ANKRD17: variants seen among roughly 807,000 people sequenced by gnomAD.
ANKRD17 encodes the protein ankyrin repeat domain 17, also known as ankyrin repeat domain-containing protein 17.
In ANKRD17, 19 loss-of-function variants were observed where a neutral mutation model predicts 229.7. That is an observed-to-expected ratio of 0.08 (90% CI 0.06 to 0.12). The LOEUF is 0.12. Among genes scored for constraint, ANKRD17 ranks in the 10% least tolerant of loss-of-function variants. The probability of loss-of-function intolerance (pLI) is 1.00; values close to 1 mark genes in which losing one functional copy is unlikely to be tolerated. For synonymous variants in ANKRD17, 1,112 were observed against 1,146.1 expected (o/e 0.97, Z 0.60); for missense variants, 2,176 against 3,176.8 (o/e 0.68, Z 7.57).
At chr4:73,188,427 A>G (rs1165952974) in intron 1 of ANKRD17, among the ~76,000 whole-genome samples, 1 of 151,922 alleles carries the variant, frequency 6.6e-6, no homozygotes, top group Non-Finnish European at 1.5e-5. Context: ...TCTACTAAAA[A>G]TATAAAAATT....
At chr4:73,099,830 C>T (rs903620279) in intron 25 of ANKRD17, among the ~76,000 whole-genome samples, 17 of 152,170 alleles carry the variant, frequency 1.1e-4, no homozygotes, top group Non-Finnish European at 1.5e-4. Flanking sequence ...GCCCCAGCCC[C>T]GTTGCCCTCC....
intron 25 of ANKRD17, chr4:73,101,299 A>G (rs933903325): frequency 6.3e-6 from 5 of 789,368 alleles, no homozygotes; most frequent in Non-Finnish European, 7.7e-6. Flanking sequence ...ATATTATGAA[A>G]TTACCATTTA....
intron 2 of ANKRD17, among the ~76,000 whole-genome samples, chr4:73,166,125 T>C (rs1733197451): frequency 6.6e-6 from 1 of 152,228 alleles, no homozygotes; most frequent in South Asian, 2.1e-4. Context: ...ATCCATGCTG[T>C]ACAGTGAAAT....
chr4:73,241,894 C>T (rs1744076851), intron 1 of ANKRD17, among the ~76,000 whole-genome samples: 1 of 152,056 alleles, frequency 6.6e-6, no homozygotes, highest in Admixed American at 6.5e-5. Flanking sequence ...TATGGACATA[C>T]TGAAGGGGCA....
chr4:73,077,620 G>T, intron 31 of ANKRD17, 87 bp from the exon 32 acceptor site: 2 of 1,203,794 alleles, frequency 1.7e-6, no homozygotes, highest in Non-Finnish European at 2.2e-6. Context: ...TTTCCACATT[G>T]AACCGTAAAT....
chr4:73,140,182 G>A lies in ANKRD17; in HGVS notation c.2434C>T (p.Gln812Ter). The part of the protein sequence containing the change: ...QSPESIVEEA[Q>*]GKLTELEQRI... ...TGTTCCAGTTCTGTTAACTTTCCCT[G>A]AGCCTCTTCTACAATGCTCTCTGGA... Residue 812 changes from glutamine (Q) to a stop codon, truncating the protein, a stop_gained, in exon 15 of 34, where the codon CAG (glutamine) becomes TAG (stop). Coordinates refer to ENST00000358602, the MANE Select transcript of ANKRD17 (RefSeq NM_032217.5). LOFTEE classifies it high-confidence loss of function. 1 of 1,614,032 alleles carries A rather than the reference G, an allele frequency of 6.2e-7. No homozygotes were observed. Among genetic ancestry groups the A allele is most frequent in the Non-Finnish European group, 8.5e-7 (1 of 1,180,008 alleles).
chr4:73,082,710 T>A (rs1277760620), intron 30 of ANKRD17, among the ~76,000 whole-genome samples: 2 of 152,170 alleles, frequency 1.3e-5, no homozygotes, highest in Non-Finnish European at 2.9e-5. Flanking sequence ...TGGCTTGTAG[T>A]CTTCATAAAA....
intron 1 of ANKRD17, among the ~76,000 whole-genome samples, chr4:73,233,106 C>A (rs1395389500): frequency 6.6e-6 from 1 of 152,116 alleles, no homozygotes; most frequent in African/African-American, 2.4e-5. Flanking sequence ...ACAAGACGAA[C>A]CATAAGTCTT....
At chr4:73,141,268 TAAAC>T (rs1005678951) in intron 14 of ANKRD17, among the ~76,000 whole-genome samples, 1 of 152,122 alleles carries the variant, frequency 6.6e-6, no homozygotes, top group Non-Finnish European at 1.5e-5. Context: ...TCTAGAGAAA[TAAAC>T]AAGCATATCT....
intron 18 of ANKRD17, among the ~76,000 whole-genome samples, chr4:73,123,865 C>G (rs569612057): frequency 6.6e-6 from 1 of 151,780 alleles, no homozygotes; most frequent in Non-Finnish European, 1.5e-5. Flanking sequence ...CCAGTTCACT[C>G]GTCAGAATAC....
intron 24 of ANKRD17, among the ~76,000 whole-genome samples, chr4:73,106,684 T>G (rs1476811540): frequency 6.6e-6 from 1 of 151,764 alleles, no homozygotes; most frequent in African/African-American, 2.4e-5. Context: ...ATCAAGACCA[T>G]TCTGGCCAAT....
At chr4:73,184,776 A>G (rs1736072229) in intron 1 of ANKRD17, among the ~76,000 whole-genome samples, 1 of 152,182 alleles carries the variant, frequency 6.6e-6, no homozygotes, top group Non-Finnish European at 1.5e-5. Flanking sequence ...AGAAGTACTA[A>G]ACAGATACTA....
Position 73,258,769 on chromosome 4 carries a change from T to TCCGCCGCCA in ANKRD17, c.-110_-102dup. 4 of 1,224,458 alleles carry TCCGCCGCCA rather than the reference T, an allele frequency of 3.3e-6. No individual in the cohort carries two copies. The highest frequency in any genetic ancestry group is 8.2e-5 in the East Asian group (2 of 24,442). 75.8% of individuals were successfully genotyped at this position (1,224,458 alleles called of 1,614,324 possible). On this transcript the variant is annotated 5_prime_UTR_variant, in exon 1 of 34. Coordinates refer to ENST00000358602, the MANE Select transcript of ANKRD17 (RefSeq NM_032217.5). ...GGCCGACACAGCAATCGGTGCCGCC[T>TCCGCCGCCA]CCGCCGCCACCGCCTCGGTCACCTC...
intron 22 of ANKRD17, 101 bp downstream of exon 22, chr4:73,118,587 A>G: frequency 7.6e-7 from 1 of 1,312,736 alleles, no homozygotes. Flanking sequence ...CTTTCATCAC[A>G]GCTGCAAAAG....
chr4:73,250,601 A>AAAAAAAAAAC, intron 1 of ANKRD17, among the ~76,000 whole-genome samples: 1 of 148,574 alleles, frequency 6.7e-6, no homozygotes, highest in Non-Finnish European at 1.5e-5. Flanking sequence ...AAAAAAAAAA[A>AAAAAAAAAAC]AAAAAAAAAA....
At chr4:73,144,895 T>C (rs918036353) in intron 10 of ANKRD17, 63 bp from the exon 11 acceptor site, 17 of 1,222,210 alleles carry the variant, frequency 1.4e-5, no homozygotes, top group African/African-American at 3.1e-5. Flanking sequence ...TTCTTTTTCA[T>C]GGAAATCAAA....
At chr4:73,143,950 A>T (rs903922476) in intron 11 of ANKRD17, among the ~76,000 whole-genome samples, 1 of 152,160 alleles carries the variant, frequency 6.6e-6, no homozygotes, top group Non-Finnish European at 1.5e-5. Flanking sequence ...TGTGTTGTCC[A>T]GGCTAGTCTT....
At chr4:73,257,842 A>AAGTT (rs761707675) in intron 1 of ANKRD17, among the ~76,000 whole-genome samples, 21 of 151,914 alleles carry the variant, frequency 1.4e-4, no homozygotes, top group Non-Finnish European at 2.4e-4. Context: ...CAACTGGGAG[A>AAGTT]AGTTGATCAA....
rs1043503969 is a variant in ANKRD17, at chr4:73,247,981, T to A, written c.393+10295A>T. Among the ~76,000 whole-genome samples the A allele has an allele frequency of 5.9e-5, 9 of 152,172 alleles. No homozygotes were observed. The East Asian group carries it at 1.5e-3, about 26-fold the overall frequency. On this transcript the variant is annotated intron_variant, in intron 1 of 33. Coordinates refer to ENST00000358602, the MANE Select transcript of ANKRD17 (RefSeq NM_032217.5). ...AAATATGTGTTTCTACAAATAGGTA[T>A]AAATTAATGAATAACATTTAATTAT... is the stretch of plus-strand genomic sequence containing the variant.
Sources: allele counts gnomAD v4.1 joint callset (sites outside exome capture counted in the v4.1 genomes callset), GRCh38; gene constraint gnomAD v4.1.1; transcripts MANE v1.5; gene names NCBI Gene and HGNC (gene_info 2026-07-23, HGNC 2026-07-21).